Variants in FHIT observed in about 807,000 individuals in gnomAD.
FHIT encodes the protein fragile histidine triad diadenosine triphosphatase, also known as bis(5'-adenosyl)-triphosphatase.
Under a neutral mutation model 17.9 loss-of-function variants are expected in FHIT, and 19 were observed. The observed-to-expected ratio is 1.06, with a 90% confidence interval of 0.74 to 1.56. FHIT has a LOEUF of 1.56. Among genes scored for constraint, FHIT ranks in the 40% most tolerant of loss-of-function variants. FHIT has a pLI of 0.00. For synonymous variants in FHIT, 81 were observed against 69.7 expected, an observed-to-expected ratio of 1.16 and a Z score of -0.81; for missense variants, 248 against 189.2, an observed-to-expected ratio of 1.31 and a Z score of -1.82.
intron 7 of FHIT, among the ~76,000 whole-genome samples, chr3:59,929,358 T>A (rs1395112774): frequency 7.2e-6 from 1 of 139,724 alleles, no homozygotes; most frequent in African/African-American, 2.6e-5. Flanking sequence ...CGTATTGTTT[T>A]TTTGGTTTTT....
chr3:60,402,102 C>T (rs371746585), intron 5 of FHIT, among the ~76,000 whole-genome samples: 60 of 152,270 alleles, frequency 3.9e-4, no homozygotes, highest in African/African-American at 1.3e-3. Context: ...GCTCCTCCTA[C>T]CTCCTGATCT....
At chr3:60,477,185 C>A (rs1478952195) in intron 5 of FHIT, among the ~76,000 whole-genome samples, 1 of 151,418 alleles carries the variant, frequency 6.6e-6, no homozygotes, top group African/African-American at 2.4e-5. Flanking sequence ...TTTTAACTAC[C>A]TGAGGTCTTC....
chr3:59,780,221 G>A (rs536980518), intron 8 of FHIT, among the ~76,000 whole-genome samples: 113 of 152,154 alleles, frequency 7.4e-4, no homozygotes, highest in Non-Finnish European at 1.4e-3. Flanking sequence ...GCTAAGGTGA[G>A]AACTCACCAA....
intron 2 of FHIT, among the ~76,000 whole-genome samples, chr3:61,132,710 C>A (rs2036800805): frequency 6.6e-6 from 1 of 152,130 alleles, no homozygotes; most frequent in African/African-American, 2.4e-5. Flanking sequence ...ACAGCACAGG[C>A]AACATGGTTA....
chr3:60,989,488 G>T (rs2029992464), intron 3 of FHIT, among the ~76,000 whole-genome samples: 1 of 152,108 alleles, frequency 6.6e-6, no homozygotes, highest in Non-Finnish European at 1.5e-5. Flanking sequence ...CTTTGCTTAG[G>T]ATTCAATGTA....
At chr3:60,161,167 C>T (rs563137402) in intron 5 of FHIT, among the ~76,000 whole-genome samples, 47 of 152,294 alleles carry the variant, frequency 3.1e-4, no homozygotes, top group African/African-American at 1.1e-3. Flanking sequence ...CTATTTTTAT[C>T]TGCCCATCAT....
At chr3:61,041,494 C>T (rs2033513173) in intron 3 of FHIT, among the ~76,000 whole-genome samples, 1 of 152,024 alleles carries the variant, frequency 6.6e-6, no homozygotes, top group South Asian at 2.1e-4. Context: ...ATTAGCAACA[C>T]TATTTGACCT....
chr3:59,999,846 A>C lies in FHIT; in HGVS notation c.279+11525T>G, dbSNP rs186250408. On this transcript the variant is annotated intron_variant, in intron 7 of 9. Coordinates refer to ENST00000492590, the MANE Select transcript of FHIT (RefSeq NM_002012.4). ...TGGTCTTCAACTCCTGACCTCAGGT[A>C]ATCCGCCCACCTCAGCTTCCCAAAG... Among the ~76,000 whole-genome samples, 581 of 152,138 alleles carry C rather than the reference A, an allele frequency of 3.8e-3. 1 individual carries two copies. Among genetic ancestry groups the C allele is most frequent in the Non-Finnish European group, 5.9e-3 (401 of 67,970 alleles).
intron 4 of FHIT, among the ~76,000 whole-genome samples, chr3:60,739,022 T>G (rs1553713277): frequency 6.6e-6 from 1 of 152,174 alleles, no homozygotes; most frequent in Non-Finnish European, 1.5e-5. Context: ...AAGGAATGTC[T>G]GAACGCCGAG....
At chr3:60,664,708 GTTT>G (rs575588178) in intron 4 of FHIT, among the ~76,000 whole-genome samples, 1 of 132,412 alleles carries the variant, frequency 7.6e-6, no homozygotes. Context: ...AGTTTAGCTA[GTTT>G]TTTTTTTTTT....
At chr3:60,625,650 G>C (rs1553680677) in intron 4 of FHIT, among the ~76,000 whole-genome samples, 1 of 152,064 alleles carries the variant, frequency 6.6e-6, no homozygotes, top group African/African-American at 2.4e-5. Context: ...TCTCTTATCA[G>C]ATATATGATA....
intron 3 of FHIT, among the ~76,000 whole-genome samples, chr3:60,999,673 T>C (rs1016486220): frequency 2.2e-4 from 34 of 151,932 alleles, no homozygotes; most frequent in Admixed American, 1.5e-3. Flanking sequence ...AGGAATTCTT[T>C]AGGGATCAAC....
rs569715460 is a variant in FHIT at position 60,538,822 on chromosome 3, A to T, written c.-17-1843T>A. ...GGATTAAAGACTTAAATGTTAGACC[A>T]AAAACCATAAAAACCCTAGAAGAAA... On this transcript the variant is annotated intron_variant, in intron 4 of 9. Coordinates refer to ENST00000492590, the MANE Select transcript of FHIT (RefSeq NM_002012.4). Among the ~76,000 whole-genome samples, 20 of 152,186 alleles carry T rather than the reference A, an allele frequency of 1.3e-4. No homozygotes were observed. The South Asian group carries it at 2.3e-3, about 17-fold the overall frequency.
At chr3:59,904,480 T>C (rs971434129) in intron 8 of FHIT, among the ~76,000 whole-genome samples, 2 of 152,116 alleles carry the variant, frequency 1.3e-5, no homozygotes, top group African/African-American at 4.8e-5. Flanking sequence ...TTCCCTTCAA[T>C]ATTCCCCACA....
intron 4 of FHIT, among the ~76,000 whole-genome samples, chr3:60,558,924 T>G (rs1241183183): frequency 3.9e-5 from 6 of 152,210 alleles, no homozygotes; most frequent in Admixed American, 3.9e-4. Flanking sequence ...AAGCTAAGGA[T>G]GTGATAATAC....
At chr3:59,933,458 A>G (rs375359880) in intron 7 of FHIT, among the ~76,000 whole-genome samples, 1 of 152,300 alleles carries the variant, frequency 6.6e-6, no homozygotes, top group East Asian at 1.9e-4. Flanking sequence ...ACTAAAAAAT[A>G]GAAACTGTTG....
chr3:61,149,675 T>C (rs1437465108), intron 2 of FHIT, among the ~76,000 whole-genome samples: 1 of 151,566 alleles, frequency 6.6e-6, no homozygotes, highest in Non-Finnish European at 1.5e-5. Context: ...CCCAGGAGTT[T>C]GAGACCAGCC....
intron 5 of FHIT, among the ~76,000 whole-genome samples, chr3:60,358,015 C>T (rs1458964537): frequency 6.6e-6 from 1 of 152,160 alleles, no homozygotes; most frequent in African/African-American, 2.4e-5. Context: ...CCAACCCAAA[C>T]CTCTGGAATC....
chr3:59,941,426 CTCTCTT>C (rs1271506957), intron 7 of FHIT, among the ~76,000 whole-genome samples: 4 of 152,176 alleles, frequency 2.6e-5, no homozygotes, highest in Admixed American at 2.0e-4. Context: ...TATGATCTCT[CTCTCTT>C]TCTCTATCTC....
Sources: gnomAD v4.1 joint callset for allele counts (sites outside exome capture counted in the v4.1 genomes callset) on GRCh38, gnomAD v4.1.1 for gene constraint, MANE v1.5 for transcripts, NCBI Gene and HGNC (gene_info 2026-07-23, HGNC 2026-07-21) for gene names.